The following KCNA2 variants were observed in gnomAD, a reference collection of about 807,000 sequenced individuals.
KCNA2 encodes potassium channel, voltage gated shaker related subfamily A, member 2.
KCNA2 carries 11 observed loss-of-function variants against 33.4 expected under a neutral mutation model. That is an observed-to-expected ratio of 0.33 (90% CI 0.21 to 0.55). The LOEUF (loss-of-function observed/expected upper bound fraction) is 0.55. Among genes scored for constraint, KCNA2 ranks in the 20% least tolerant of loss-of-function variants. The pLI is 0.93. For missense variants in KCNA2, 291 were observed against 621.6 expected (o/e 0.47, Z 5.66); for synonymous variants, 222 against 231.3 (o/e 0.96, Z 0.37).
In KCNA2 at chr1:110,597,134, C is replaced by G; in HGVS notation, c.*6149G>C. The G allele has an allele frequency of 1.0e-6, 1 of 985,448 alleles. No individual in the cohort carries two copies. The highest frequency in any genetic ancestry group is 1.2e-6 in the Non-Finnish European group (1 of 829,952). 61.0% of individuals were successfully genotyped at this position (985,448 alleles called of 1,614,324 possible). A position where few individuals can be genotyped will look rare whatever the true frequency, so the allele number is the denominator to read the frequency against. ...GAGTCCCTTTGGTTGAGCAAGTCAG[C>G]TTATTTTGAAAGAGAGTCAGAGGGC... On this transcript the variant is annotated 3_prime_UTR_variant, in exon 3 of 3. Transcript: ENST00000316361.
rs1649329033 is a variant in KCNA2 at position 110,601,200 on chromosome 1, T to G, written c.*2083A>C. 2 of 985,294 alleles carry G rather than the reference T, an allele frequency of 2.0e-6. No individual in the cohort carries two copies. Among genetic ancestry groups the G allele is most frequent in the Non-Finnish European group, 2.4e-6 (2 of 829,940 alleles). The allele number at this position is 985,294 out of a possible 1,614,324, so 61.0% of individuals were successfully genotyped here. ...TTGCCAGTTTAATGGGGAGAGAGTT[T>G]GGGTCTGGAGATCAAAATGATGCCT... On this transcript the variant is annotated 3_prime_UTR_variant, in exon 3 of 3. Transcript: ENST00000316361.
In KCNA2 at chr1:110,593,942, A is replaced by G. The variant is rs1648973819; in HGVS notation, c.*9341T>C. ...TACAGCTGGTGTCTAAATTTTCAAG[A>G]AGCAAACAAATAGTTAAATGACTCC... On this transcript the variant is annotated 3_prime_UTR_variant, in exon 3 of 3. Transcript: ENST00000316361. The G allele has an allele frequency of 2.6e-6, 4 of 1,549,546 alleles. No homozygotes were observed. In the Admixed American group the frequency reaches 5.9e-5, roughly 23 times the overall value.
At chr1:110,616,954 C>G (rs1377013659) in intron 1 of KCNA2, among the ~76,000 whole-genome samples, 1 of 152,214 alleles carries the variant, frequency 6.6e-6, no homozygotes, top group Admixed American at 6.5e-5. Flanking sequence ...TACAAAAGCA[C>G]CTAAGAAGAG....
chr1:110,603,664 T>A lies in KCNA2; in HGVS notation c.1119A>T (p.Thr373=). ...DAFWWAVVSM[T]TVGYGDMVPT... ...GAACCATGTCTCCATAGCCTACAGT[T>A]GTCATGGAGACGACTGCCCACCAGA... Residue 373 remains threonine, a synonymous_variant, in exon 3 of 3, where the codon ACA becomes ACT. Transcript: ENST00000316361. The surrounding 1 kb of genome is among the most constrained non-coding windows in gnomAD (Gnocchi z 5.7). The A allele has an allele frequency of 6.2e-7, 1 of 1,614,116 alleles. No homozygotes were observed. Among genetic ancestry groups the A allele is most frequent in the Non-Finnish European group, 8.5e-7 (1 of 1,180,036 alleles).
Position 110,601,794 on chromosome 1 carries a change from ATGTGTG to A in KCNA2, c.*1483_*1488del, listed in dbSNP as rs35728918. Reference sequence around the variant, plus strand: ...AGAAAATGAATATATATATATATATATGTGTGTGTGTGTGTGTGTGTGTGTGTGTGT... The same window carrying A: ...AGAAAATGAATATATATATATATATATGTGTGTGTGTGTGTGTGTGTGTGT... On this transcript the variant is annotated 3_prime_UTR_variant, in exon 3 of 3. Transcript: ENST00000316361. 4,028 of 839,222 alleles carry A rather than the reference ATGTGTG, an allele frequency of 4.8e-3. 5 individuals are homozygous for A. The highest frequency in any genetic ancestry group is 5.1e-3 in the Non-Finnish European group (3,441 of 672,344). 52.0% of individuals were successfully genotyped at this position (839,222 alleles called of 1,614,324 possible).
At chr1:110,621,078 A>G (rs889962309) in intron 1 of KCNA2, among the ~76,000 whole-genome samples, 3 of 152,216 alleles carry the variant, frequency 2.0e-5, no homozygotes, top group African/African-American at 7.2e-5. Flanking sequence ...AAGCGCCTCC[A>G]TATGACCCTC....
chr1:110,613,500 C>T (rs560066078), intron 1 of KCNA2, among the ~76,000 whole-genome samples: 1 of 152,224 alleles, frequency 6.6e-6, no homozygotes. Context: ...CTCTCCTTGC[C>T]TTTCAGCCCT....
At chr1:110,612,951 G>C (rs55691432) in intron 1 of KCNA2, among the ~76,000 whole-genome samples, 27,383 of 152,076 alleles carry the variant, frequency 0.18, 3,521 homozygotes, top group East Asian at 0.41. Flanking sequence ...GACCTTAGGT[G>C]GGGTGTTTTT....
Position 110,603,942 on chromosome 1 carries a change from C to T in KCNA2, c.841G>A (p.Ala281Thr), listed in dbSNP as rs753926939. 1.1e-5 allele frequency: 18 copies of T among 1,614,130 alleles called. No homozygotes were observed. Among genetic ancestry groups the T allele is most frequent in the Admixed American group, 3.3e-5 (2 of 60,028 alleles). The change falls in exon 3 of 3, where the codon GCT becomes ACT. Residue 281 changes from alanine (A) to threonine (T), a missense_variant. By Grantham distance (58) the Ala-to-Thr change is moderately conservative. Around this residue, in one of 5 missense-constraint regions of KCNA2, gnomAD observed 43 missense variants for 159.4 expected, o/e 0.27. Transcript: ENST00000316361. This position sits in a 1 kb window ranked among gnomAD's most constrained non-coding sequence, Gnocchi z 5.7. ...GACATGGCCTGCTGGCCTTGCTGAG[C>T]GTCCTCTGGCTTCTCAGCCAACTCT... Reference protein sequence around the residue: ...GTELAEKPEDAQQGQQAMSLA... With the variant: ...GTELAEKPEDTQQGQQAMSLA...
At chr1:110,611,985 C>T (rs542575236) in intron 1 of KCNA2, among the ~76,000 whole-genome samples, 4 of 152,250 alleles carry the variant, frequency 2.6e-5, no homozygotes, top group African/African-American at 9.6e-5. Flanking sequence ...GATTGCACCA[C>T]TGCACGACAG....
chr1:110,609,548 C>T (rs976990138), upstream of KCNA2, among the ~76,000 whole-genome samples: 3 of 152,288 alleles, frequency 2.0e-5, no homozygotes, highest in East Asian at 1.9e-4. Flanking sequence ...CCCTTAGCCC[C>T]CACACCACAC....
In KCNA2 at chr1:110,601,024, G is replaced by A. The variant is rs963867106; in HGVS notation, c.*2259C>T. 1.0e-6 allele frequency: 1 copy of A among 985,424 alleles called. No individual in the cohort carries two copies. The highest frequency in any genetic ancestry group is 1.2e-6 in the Non-Finnish European group (1 of 830,016). The allele number at this position is 985,424 out of a possible 1,614,324, so 61.0% of individuals were successfully genotyped here. A position where few individuals can be genotyped will look rare whatever the true frequency, so the allele number is the denominator to read the frequency against. On this transcript the variant is annotated 3_prime_UTR_variant, in exon 3 of 3. Coordinates refer to ENST00000316361, the MANE Select transcript of KCNA2 (RefSeq NM_004974.4). ...TCAAAAGGCAAAGACGCCCAGTCTG[G>A]TGAGTTAAAAGCCCCCTACCTGAAG...
In KCNA2 at chr1:110,596,657, T is replaced by A. The variant is rs1570745865; in HGVS notation, c.*6626A>T. ...TCCCTGTTATCTTCAAACACTCTAC[T>A]TAACTAAGGCAGGAAAGTTATGCTA... On this transcript the variant is annotated 3_prime_UTR_variant, in exon 3 of 3. Coordinates refer to ENST00000316361, the MANE Select transcript of KCNA2 (RefSeq NM_004974.4). 1.2e-6 allele frequency: 1 copy of A among 857,326 alleles called. No individual in the cohort carries two copies. The highest frequency in any genetic ancestry group is 1.2e-4 in the East Asian group (1 of 8,246). The allele number at this position is 857,326 out of a possible 1,614,324, so 53.1% of individuals were successfully genotyped here.
rs1000171614 is a variant in KCNA2, at chr1:110,597,495, G to C, written c.*5788C>G. ...TGGGGAGACAGAGGGAGAGGGGACA[G>C]AGACACACATGGAGACAGAGAGGTG... On this transcript the variant is annotated 3_prime_UTR_variant, in exon 3 of 3. Coordinates refer to ENST00000316361, the MANE Select transcript of KCNA2 (RefSeq NM_004974.4). 77 of 985,292 alleles carry C rather than the reference G, an allele frequency of 7.8e-5. No homozygotes were observed. The highest frequency in any genetic ancestry group is 9.2e-5 in the Non-Finnish European group (76 of 829,938). The allele number at this position is 985,292 out of a possible 1,614,324, so 61.0% of individuals were successfully genotyped here. A position where few individuals can be genotyped will look rare whatever the true frequency, so the allele number is the denominator to read the frequency against.
chr1:110,622,564 A>AG (rs1650286817), intron 1 of KCNA2, among the ~76,000 whole-genome samples: 1 of 152,148 alleles, frequency 6.6e-6, no homozygotes, highest in South Asian at 2.1e-4. Flanking sequence ...CTTTATTCAC[A>AG]GGTGGCATGG....
rs1482915562 is a variant in KCNA2, at chr1:110,599,067, C to T, written c.*4216G>A. The T allele has an allele frequency of 1.0e-6, 1 of 985,298 alleles. No homozygotes were observed. The highest frequency in any genetic ancestry group is 1.2e-6 in the Non-Finnish European group (1 of 829,922). 61.0% of individuals were successfully genotyped at this position (985,298 alleles called of 1,614,324 possible). On this transcript the variant is annotated 3_prime_UTR_variant, in exon 3 of 3. Coordinates refer to ENST00000316361, the MANE Select transcript of KCNA2 (RefSeq NM_004974.4). ...TTTGGACCCATATGTCCACTCCCTA[C>T]TGTTGTTACCTTTTCTGTAGAGACT... is the stretch of plus-strand genomic sequence containing the variant.
upstream of KCNA2, among the ~76,000 whole-genome samples, chr1:110,610,814 C>A (rs1649838692): frequency 6.6e-6 from 1 of 152,146 alleles, no homozygotes; most frequent in Non-Finnish European, 1.5e-5. Context: ...CATACCTTAA[C>A]TGAGGGACTT....
At chr1:110,610,837 G>A (rs1386429196), upstream of KCNA2, among the ~76,000 whole-genome samples, 1 of 152,200 alleles carries the variant, frequency 6.6e-6, no homozygotes, top group Non-Finnish European at 1.5e-5. Flanking sequence ...GGCAGTGGTG[G>A]TGCAAGAGTC....
At chr1:110,606,030 C>G (rs1030225982) in intron 1 of KCNA2, 198 bp downstream of exon 1, 1 of 152,578 alleles carries the variant, frequency 6.6e-6, no homozygotes, top group African/African-American at 2.4e-5. Flanking sequence ...CTGGAAGAAG[C>G]ACTCCTACCC....
Sources: gnomAD v4.1 joint callset for allele counts (sites outside exome capture counted in the v4.1 genomes callset) on GRCh38, gnomAD v4.1.1 for gene constraint, gnomAD v4.1.1 regional missense constraint, Gnocchi (gnomAD v3.1) non-coding constraint, MANE v1.5 for transcripts, NCBI Gene and HGNC (gene_info 2026-07-23, HGNC 2026-07-21) for gene names.